The following FRMD6 variants were observed in gnomAD, a reference collection of about 807,000 sequenced individuals.
FRMD6 encodes FERM domain-containing protein 6.
In FRMD6, 37 loss-of-function variants were observed where a neutral mutation model predicts 73.2. That is an observed-to-expected ratio of 0.51 (90% CI 0.39 to 0.66). The LOEUF is 0.66. FRMD6 is among the 30% of genes least tolerant of loss of function. The pLI, the probability that FRMD6 is intolerant of heterozygous loss-of-function variation, is 0.00. For missense variants in FRMD6, 714 were observed against 780.5 expected, an observed-to-expected ratio of 0.91 and a Z score of 1.02; for synonymous variants, 273 against 282.2, an observed-to-expected ratio of 0.97 and a Z score of 0.33.
At chr14:51,419,958 C>A in the FRMD6 span, among the ~76,000 whole-genome samples, 1 of 151,662 alleles carries the variant, frequency 6.6e-6, no homozygotes, top group East Asian at 1.9e-4. Context: ...GGTCATGGGA[C>A]TTCCTGCCCT....
upstream of FRMD6, chr14:51,650,549 C>T (rs1421174014): frequency 1.3e-5 from 2 of 151,410 alleles, no homozygotes; most frequent in African/African-American, 4.9e-5. Flanking sequence ...GCGCCCGCCA[C>T]TACGCCCGGC....
At chr14:51,716,355 A>T (rs1421459385) in intron 10 of FRMD6, among the ~76,000 whole-genome samples, 1 of 151,960 alleles carries the variant, frequency 6.6e-6, no homozygotes, top group Non-Finnish European at 1.5e-5. Context: ...TTTTGCAAAA[A>T]TTAGTTTTAT....
At chr14:51,711,414 G>A (rs545802143) in intron 7 of FRMD6, 117 bp from the exon 8 acceptor site, 44 of 596,752 alleles carry the variant, frequency 7.4e-5, no homozygotes, top group Non-Finnish European at 1.1e-4. Context: ...GTTATTTTAA[G>A]TCAAAAACTT....
chr14:51,501,031 C>T (rs1441278848), intron 1 of FRMD6, among the ~76,000 whole-genome samples: 1 of 152,218 alleles, frequency 6.6e-6, no homozygotes, highest in East Asian at 1.9e-4. Context: ...GCTCAGACAG[C>T]TTCCCTGTTC....
At chr14:51,441,895 T>A in the FRMD6 span, among the ~76,000 whole-genome samples, 1 of 152,226 alleles carries the variant, frequency 6.6e-6, no homozygotes, top group Non-Finnish European at 1.5e-5. Flanking sequence ...TATATACTAC[T>A]TAATGACATA....
At chr14:51,442,145 T>C in the FRMD6 span, among the ~76,000 whole-genome samples, 1 of 152,212 alleles carries the variant, frequency 6.6e-6, no homozygotes, top group Admixed American at 6.5e-5. Flanking sequence ...TTTCAAAATC[T>C]TAAAAGCATT....
upstream of FRMD6, among the ~76,000 whole-genome samples, chr14:51,487,802 T>C (rs1256042044): frequency 2.6e-4 from 39 of 152,206 alleles, no homozygotes; most frequent in Non-Finnish European, 8.8e-5. Context: ...AACTCATTTA[T>C]TGGCCCTAGA....
chr14:51,489,777 C>A (rs1882887582), intron 1 of FRMD6, among the ~76,000 whole-genome samples: 1 of 152,184 alleles, frequency 6.6e-6, no homozygotes, highest in African/African-American at 2.4e-5. Context: ...ACACACTTGC[C>A]TTGGTAAGAA....
chr14:51,586,310 C>G (rs1307113141), intron 2 of FRMD6, among the ~76,000 whole-genome samples: 1 of 152,052 alleles, frequency 6.6e-6, no homozygotes, highest in Non-Finnish European at 1.5e-5. Context: ...ATTGTGGTTT[C>G]AATTTGCACG....
At chr14:51,486,629 C>A (rs1882766154), upstream of FRMD6, among the ~76,000 whole-genome samples, 1 of 152,220 alleles carries the variant, frequency 6.6e-6, no homozygotes, top group Non-Finnish European at 1.5e-5. Flanking sequence ...GACACTGATA[C>A]AATGCTAATC....
intron 1 of FRMD6, among the ~76,000 whole-genome samples, chr14:51,542,781 A>G (rs1256054689): frequency 6.6e-6 from 1 of 152,046 alleles, no homozygotes; most frequent in Non-Finnish European, 1.5e-5. Flanking sequence ...AACACTTATT[A>G]TACTCCATGT....
upstream of FRMD6, among the ~76,000 whole-genome samples, chr14:51,485,608 T>G (rs1035804471): frequency 5.9e-5 from 9 of 152,158 alleles, no homozygotes; most frequent in African/African-American, 2.2e-4. Flanking sequence ...ACTCCCTAAC[T>G]CAATCCAAAT....
At chr14:51,516,285 AG>A (rs1260943105) in intron 1 of FRMD6, among the ~76,000 whole-genome samples, 2 of 152,210 alleles carry the variant, frequency 1.3e-5, no homozygotes, top group Non-Finnish European at 2.9e-5. Flanking sequence ...ACTGGTTTTT[AG>A]GTTAGCTTTT....
At chr14:51,529,957 G>T (rs139296474) in intron 1 of FRMD6, among the ~76,000 whole-genome samples, 1 of 152,184 alleles carries the variant, frequency 6.6e-6, no homozygotes, top group East Asian at 1.9e-4. Flanking sequence ...AGATGCCCTT[G>T]GTGGCCATCT....
intron 2 of FRMD6, among the ~76,000 whole-genome samples, chr14:51,636,107 G>A (rs1162710728): frequency 1.3e-5 from 2 of 152,194 alleles, no homozygotes; most frequent in African/African-American, 2.4e-5. Context: ...CAGAAGTTGC[G>A]TCTGTGTCTT....
chr14:51,516,710 C>T (rs1884656551), intron 1 of FRMD6, among the ~76,000 whole-genome samples: 1 of 152,148 alleles, frequency 6.6e-6, no homozygotes, highest in African/African-American at 2.4e-5. Flanking sequence ...GGGCTTAAAA[C>T]TCAGCTTATT....
chr14:51,727,233 A>C (rs999165328), intron 13 of FRMD6, among the ~76,000 whole-genome samples: 1 of 152,004 alleles, frequency 6.6e-6, no homozygotes. Context: ...CTTGGTAATA[A>C]TTGGTTTATT....
chr14:51,423,628 C>G, the FRMD6 span, among the ~76,000 whole-genome samples: 1 of 152,216 alleles, frequency 6.6e-6, no homozygotes, highest in African/African-American at 2.4e-5. Flanking sequence ...TCTAGACAAG[C>G]TGTCCTGCTC....
intron 2 of FRMD6, chr14:51,643,717 C>G (rs984586437): frequency 2.0e-5 from 3 of 152,182 alleles, no homozygotes; most frequent in Non-Finnish European, 4.4e-5. Context: ...TCCAAAGGTT[C>G]AGAGATGGAG....
Sources: allele counts gnomAD v4.1 joint callset (sites outside exome capture counted in the v4.1 genomes callset), GRCh38; gene constraint gnomAD v4.1.1; transcripts MANE v1.5; gene names NCBI Gene and HGNC (gene_info 2026-07-23, HGNC 2026-07-21).